TENM2: variants seen among roughly 807,000 people sequenced by gnomAD.
TENM2 encodes teneurin transmembrane protein 2.
In TENM2, 52 loss-of-function variants were observed where a neutral mutation model predicts 245.2. That is an observed-to-expected ratio of 0.21 (90% confidence interval 0.17 to 0.27). TENM2 has a LOEUF of 0.27. TENM2 is among the 10% of genes least tolerant of loss of function. The pLI is 1.00. For missense variants in TENM2, 3,046 were observed against 3,666.8 expected (o/e 0.83, Z 4.37); for synonymous variants, 1,363 against 1,438.9 (o/e 0.95, Z 1.19).
chr5:167,061,995 T>C, the TENM2 span, among the ~76,000 whole-genome samples: 1 of 151,840 alleles, frequency 6.6e-6, no homozygotes, highest in Non-Finnish European at 1.5e-5. Flanking sequence ...GTAGGTGCTA[T>C]GAAATTGCAG....
chr5:168,057,128 G>A (rs1450906798), intron 6 of TENM2, among the ~76,000 whole-genome samples: 16 of 152,092 alleles, frequency 1.1e-4, no homozygotes, highest in African/African-American at 3.4e-4. Context: ...TTCCAAAAGT[G>A]TAATTCAGTT....
At chr5:167,310,362 T>G (rs1051862950) in intron 1 of TENM2, among the ~76,000 whole-genome samples, 4 of 152,234 alleles carry the variant, frequency 2.6e-5, no homozygotes, top group Admixed American at 1.3e-4. Context: ...AGTATATTGC[T>G]TTATTCAGAG....
chr5:167,070,133 T>TTTATGTATTTATTTATTTATTTATTTA, the TENM2 span, among the ~76,000 whole-genome samples: 2 of 147,792 alleles, frequency 1.4e-5, no homozygotes, highest in Non-Finnish European at 3.0e-5. Context: ...TTATTTATTT[T>TTTATGTATTTATTTATTTATTTATTTA]TTGAGACAGA....
chr5:167,907,167 G>A (rs1241220537), intron 3 of TENM2, among the ~76,000 whole-genome samples: 1 of 152,006 alleles, frequency 6.6e-6, no homozygotes, highest in Non-Finnish European at 1.5e-5. Flanking sequence ...AGGAGGCGGA[G>A]GTTGCAATGA....
At chr5:168,206,868 C>G (rs1762391281) in intron 19 of TENM2, among the ~76,000 whole-genome samples, 1 of 152,152 alleles carries the variant, frequency 6.6e-6, no homozygotes, top group Admixed American at 6.5e-5. Context: ...ACATCAGGCC[C>G]TTCCTCCTTT....
the TENM2 span, among the ~76,000 whole-genome samples, chr5:167,207,179 A>G: frequency 2.0e-5 from 3 of 152,202 alleles, no homozygotes; most frequent in African/African-American, 7.2e-5. Flanking sequence ...GCATTCCATC[A>G]TCTCTTGGTG....
chr5:167,609,271 G>A (rs768976191), intron 2 of TENM2, among the ~76,000 whole-genome samples: 5 of 152,004 alleles, frequency 3.3e-5, no homozygotes, highest in Non-Finnish European at 5.9e-5. Context: ...TACACAAGTA[G>A]AGTCGCATTT....
Position 168,118,497 on chromosome 5 carries a change from C to T in TENM2, c.2008+11C>T, listed in dbSNP as rs368291596. ...AGCACTGTGAGGAAGGTAAGCCCGCCGGCCCCGGGGCTAGGCAGCAGTGGA... is the reference window on the plus strand; with the variant it reads ...AGCACTGTGAGGAAGGTAAGCCCGCTGGCCCCGGGGCTAGGCAGCAGTGGA... On this transcript the variant is annotated intron_variant, in intron 10 of 28. Coordinates refer to ENST00000518659, the Ensembl canonical transcript of TENM2. The T allele has an allele frequency of 6.1e-5, 92 of 1,503,356 alleles. No individual in the cohort carries two copies. The highest frequency in any genetic ancestry group is 8.2e-5 in the South Asian group (6 of 73,184). 93.1% of individuals were successfully genotyped at this position (1,503,356 alleles called of 1,614,324 possible). A position where few individuals can be genotyped will look rare whatever the true frequency, so the allele number is the denominator to read the frequency against.
chr5:168,055,821 G>A (rs537023509), intron 6 of TENM2, among the ~76,000 whole-genome samples: 1 of 152,268 alleles, frequency 6.6e-6, no homozygotes, highest in African/African-American at 2.4e-5. Flanking sequence ...GACTCAGAGA[G>A]GGCTTTTGAT....
chr5:167,781,447 T>A (rs1213483201), intron 2 of TENM2, among the ~76,000 whole-genome samples: 2 of 152,182 alleles, frequency 1.3e-5, no homozygotes, highest in African/African-American at 2.4e-5. Flanking sequence ...AAATAATATG[T>A]GAAGGAAGTA....
At chr5:167,871,185 T>A (rs1353627411) in intron 2 of TENM2, among the ~76,000 whole-genome samples, 1 of 152,142 alleles carries the variant, frequency 6.6e-6, no homozygotes, top group East Asian at 1.9e-4. Context: ...GGATAAGGTT[T>A]TCAGGTATGA....
chr5:167,216,420 C>A, the TENM2 span, among the ~76,000 whole-genome samples: 1 of 152,190 alleles, frequency 6.6e-6, no homozygotes, highest in Non-Finnish European at 1.5e-5. Context: ...TTACATTCCA[C>A]ATTGTCTGTC....
chr5:168,022,158 C>T (rs763983809), intron 5 of TENM2, among the ~76,000 whole-genome samples: 3 of 152,206 alleles, frequency 2.0e-5, no homozygotes, highest in Non-Finnish European at 4.4e-5. Flanking sequence ...TCCAAATATT[C>T]ATTAAGCACC....
At chr5:167,818,460 C>T (rs1195888363) in intron 2 of TENM2, among the ~76,000 whole-genome samples, 1 of 152,152 alleles carries the variant, frequency 6.6e-6, no homozygotes, top group African/African-American at 2.4e-5. Flanking sequence ...ATGCTAAGCA[C>T]AGAGCTAACT....
chr5:167,242,373 A>G, the TENM2 span, among the ~76,000 whole-genome samples: 1 of 147,278 alleles, frequency 6.8e-6, no homozygotes, highest in East Asian at 2.0e-4. Flanking sequence ...TAATTGATGT[A>G]CCCCTAACTC....
intron 4 of TENM2, among the ~76,000 whole-genome samples, chr5:167,979,943 CAGAG>C (rs1782712833): frequency 2.0e-5 from 3 of 152,144 alleles, no homozygotes; most frequent in Admixed American, 1.3e-4. Context: ...CATCTGAGAG[CAGAG>C]AGAAACTTTT....
At chr5:168,101,349 A>G (rs2152285822) in intron 9 of TENM2, among the ~76,000 whole-genome samples, 1 of 152,288 alleles carries the variant, frequency 6.6e-6, no homozygotes, top group South Asian at 2.1e-4. Context: ...ACATCGATGT[A>G]TTATTAATCC....
At chr5:167,671,760 TTA>T (rs199544254) in intron 2 of TENM2, among the ~76,000 whole-genome samples, 47 of 149,112 alleles carry the variant, frequency 3.2e-4, no homozygotes, top group African/African-American at 1.0e-3. Context: ...TAGCTACAGA[TTA>T]TATATATATA....
chr5:166,998,305 G>C, the TENM2 span, among the ~76,000 whole-genome samples: 1 of 152,094 alleles, frequency 6.6e-6, no homozygotes, highest in Non-Finnish European at 1.5e-5. Context: ...ATGGTAAGGA[G>C]ATTTTCCATT....
Sources: gnomAD v4.1 joint callset for allele counts (sites outside exome capture counted in the v4.1 genomes callset) on GRCh38, gnomAD v4.1.1 for gene constraint, MANE v1.5 for transcripts, NCBI Gene and HGNC (gene_info 2026-07-23, HGNC 2026-07-21) for gene names.